The following ADAMTS12 variants were observed in gnomAD, a reference collection of about 807,000 sequenced individuals.
The protein encoded by ADAMTS12 is ADAM metallopeptidase with thrombospondin type 1 motif 12.
Under a neutral mutation model 167.8 loss-of-function variants are expected in ADAMTS12, and 118 were observed. That is an observed-to-expected ratio of 0.70 (90% CI 0.61 to 0.82). The LOEUF (loss-of-function observed/expected upper bound fraction) is 0.82, where lower values mean the gene tolerates loss of function less well. Ranked by LOEUF, ADAMTS12 falls within the 40% of genes least tolerant of loss-of-function variation. The pLI is 0.00. For synonymous variants in ADAMTS12, 704 were observed against 716.9 expected (o/e 0.98, Z 0.29); for missense variants, 1,916 against 1,998.8 (o/e 0.96, Z 0.79).
intron 5 of ADAMTS12, among the ~76,000 whole-genome samples, chr5:33,663,197 A>G (rs1017197510): frequency 1.3e-5 from 2 of 152,242 alleles, no homozygotes; most frequent in Non-Finnish European, 2.9e-5. Flanking sequence ...TAGATGGAAG[A>G]CACTGACTTC....
chr5:33,766,073 T>C (rs1745519405), intron 2 of ADAMTS12, among the ~76,000 whole-genome samples: 1 of 152,200 alleles, frequency 6.6e-6, no homozygotes, highest in Non-Finnish European at 1.5e-5. Context: ...GTACAGAAGA[T>C]TTCCAAATAG....
At chr5:33,696,051 TG>T (rs1742747241) in intron 3 of ADAMTS12, among the ~76,000 whole-genome samples, 1 of 90,454 alleles carries the variant, frequency 1.1e-5, no homozygotes, top group African/African-American at 4.4e-5. Context: ...GTCACTAACA[TG>T]TGCTTATTAA....
At chr5:33,686,765 C>CTA (rs111686215) in intron 3 of ADAMTS12, among the ~76,000 whole-genome samples, 18 of 146,170 alleles carry the variant, frequency 1.2e-4, no homozygotes, top group African/African-American at 3.3e-4. Context: ...ACCTCTCTCT[C>CTA]TATATATATA....
intron 3 of ADAMTS12, among the ~76,000 whole-genome samples, chr5:33,750,209 G>A (rs1744927844): frequency 6.6e-6 from 1 of 152,200 alleles, no homozygotes; most frequent in African/African-American, 2.4e-5. Context: ...ACTTGTTAGA[G>A]GATTTAGCCA....
intron 16 of ADAMTS12, among the ~76,000 whole-genome samples, chr5:33,605,819 T>A (rs1738409201): frequency 6.6e-6 from 1 of 152,224 alleles, no homozygotes; most frequent in African/African-American, 2.4e-5. Context: ...TTAATTCTCA[T>A]ACCAACCATA....
At chr5:33,553,614 C>G (rs1745355657) in intron 20 of ADAMTS12, among the ~76,000 whole-genome samples, 1 of 152,158 alleles carries the variant, frequency 6.6e-6, no homozygotes, top group Non-Finnish European at 1.5e-5. Flanking sequence ...AACACAGGAA[C>G]AGAAAACCAA....
chr5:33,616,205 T>G lies in ADAMTS12; in HGVS notation c.2144-133A>C. 9 of 1,254,512 alleles carry G rather than the reference T, an allele frequency of 7.2e-6. 1 individual carries two copies. In the South Asian group the frequency reaches 1.4e-4, roughly 19 times the overall value. 77.7% of individuals were successfully genotyped at this position (1,254,512 alleles called of 1,614,324 possible). A position where few individuals can be genotyped will look rare whatever the true frequency, so the allele number is the denominator to read the frequency against. ...TGACCTTGCTGGGTGGCCACTGGAA[T>G]TGGCAGAAGCACTACTTATGGGGGA... On this transcript the variant is annotated intron_variant, in intron 14 of 23. Coordinates refer to ENST00000504830, the MANE Select transcript of ADAMTS12 (RefSeq NM_030955.4).
At chr5:33,552,687 T>C (rs1313058228) in intron 20 of ADAMTS12, among the ~76,000 whole-genome samples, 2 of 152,228 alleles carry the variant, frequency 1.3e-5, no homozygotes, top group South Asian at 2.1e-4. Context: ...TGTAGGTGTG[T>C]GGTCTTATTT....
At position 33,723,116 on chromosome 5, in the gene ADAMTS12, T is replaced by C. The variant is rs761653869; in HGVS notation, c.634+28288A>G. On this transcript the variant is annotated intron_variant, in intron 3 of 23. Coordinates refer to ENST00000504830, the MANE Select transcript of ADAMTS12 (RefSeq NM_030955.4). ...GTCATTCATACCTGGATGACAGGTA[T>C]GCCTTGCTCTAAATGCCTTGCTCTC... 1.9e-3 allele frequency among the ~76,000 whole-genome samples: 296 copies of C among 152,278 alleles called. 6 individuals carry two copies. The highest frequency in any genetic ancestry group is 6.8e-3 in the Middle Eastern group (2 of 294).
At chr5:33,534,812 C>T (rs775711742) in intron 23 of ADAMTS12, 21 bp downstream of exon 23, 60 of 1,598,146 alleles carry the variant, frequency 3.8e-5, no homozygotes, top group South Asian at 9.1e-5. Flanking sequence ...TCTTTCTCCC[C>T]GAGCAAACCC....
chr5:33,734,167 C>T (rs1251638341), intron 3 of ADAMTS12, among the ~76,000 whole-genome samples: 1 of 152,204 alleles, frequency 6.6e-6, no homozygotes, highest in Non-Finnish European at 1.5e-5. Context: ...AATATCCTTC[C>T]TTTCCTCCAT....
At chr5:33,817,938 A>G (rs2112497511) in intron 2 of ADAMTS12, among the ~76,000 whole-genome samples, 1 of 152,272 alleles carries the variant, frequency 6.6e-6, no homozygotes, top group East Asian at 1.9e-4. Flanking sequence ...TAAATAGAGC[A>G]TTGAGGTTTT....
chr5:33,756,016 C>A (rs1339325757), intron 2 of ADAMTS12, among the ~76,000 whole-genome samples: 1 of 152,162 alleles, frequency 6.6e-6, no homozygotes, highest in Non-Finnish European at 1.5e-5. Context: ...TACAAAGTAT[C>A]AATCTATATC....
At chr5:33,663,983 A>C (rs950956481) in intron 5 of ADAMTS12, among the ~76,000 whole-genome samples, 1 of 152,202 alleles carries the variant, frequency 6.6e-6, no homozygotes, top group African/African-American at 2.4e-5. Context: ...AAAATTATAA[A>C]ATGCTGCTTA....
intron 22 of ADAMTS12, among the ~76,000 whole-genome samples, 165 bp from the exon 23 acceptor site, chr5:33,535,157 T>G (rs1744325538): frequency 1.3e-5 from 2 of 152,344 alleles, no homozygotes; most frequent in Admixed American, 6.5e-5. Context: ...TTTGGAGATG[T>G]GAGTTTAGAG....
At chr5:33,764,343 A>G (rs1257784040) in intron 2 of ADAMTS12, among the ~76,000 whole-genome samples, 3 of 152,224 alleles carry the variant, frequency 2.0e-5, no homozygotes, top group Non-Finnish European at 2.9e-5. Flanking sequence ...TTTTATACAT[A>G]ATATATCCTT....
rs145466621 is a variant in ADAMTS12, at chr5:33,806,362, T to C, written c.490-54814A>G. ...CATTAATGGAAGCACAGCCTCGAGG[T>C]TGGGAACACCATTCATCATGGCCAG... is the stretch of plus-strand genomic sequence containing the variant. On this transcript the variant is annotated intron_variant, in intron 2 of 23. Transcript: ENST00000504830. 6.2e-3 allele frequency among the ~76,000 whole-genome samples: 944 copies of C among 152,290 alleles called. 8 individuals carry two copies. Among genetic ancestry groups the C allele is most frequent in the African/African-American group, 0.022 (895 of 41,548 alleles).
At chr5:33,671,025 G>A (rs1265313429) in intron 5 of ADAMTS12, among the ~76,000 whole-genome samples, 2 of 147,314 alleles carry the variant, frequency 1.4e-5, no homozygotes, top group Non-Finnish European at 3.0e-5. Flanking sequence ...GGATCTCAAG[G>A]GAATTATGCT....
intron 16 of ADAMTS12, among the ~76,000 whole-genome samples, chr5:33,609,402 ACT>A (rs1738610178): frequency 6.8e-6 from 1 of 146,028 alleles, no homozygotes; most frequent in South Asian, 2.1e-4. Context: ...AGAGGTTCTC[ACT>A]CTGTTGCCCA....
Sources: allele counts gnomAD v4.1 joint callset (sites outside exome capture counted in the v4.1 genomes callset), GRCh38; gene constraint gnomAD v4.1.1; transcripts MANE v1.5; gene names NCBI Gene and HGNC (gene_info 2026-07-23, HGNC 2026-07-21).